The following NR1H4 variants were observed in gnomAD, a reference collection of about 807,000 sequenced individuals.
NR1H4 encodes the protein bile acid receptor.
In NR1H4, 23 loss-of-function variants were observed where a neutral mutation model predicts 58.5. That is an observed-to-expected ratio of 0.39 (90% CI 0.28 to 0.56). NR1H4 has a LOEUF of 0.56. Ranked by LOEUF, NR1H4 falls within the 20% of genes least tolerant of loss-of-function variation. The pLI is 0.58. For synonymous variants in NR1H4, 214 were observed against 198.0 expected (o/e 1.08, Z -0.68); for missense variants, 487 against 576.9 (o/e 0.84, Z 1.60).
chr12:100,522,874 A>G lies in NR1H4; in HGVS notation c.446-9584A>G, dbSNP rs567637357. Among the ~76,000 whole-genome samples the G allele has an allele frequency of 2.6e-5, 4 of 152,292 alleles. No individual in the cohort carries two copies. The East Asian group carries it at 7.7e-4, about 29-fold the overall frequency. On this transcript the variant is annotated intron_variant, in intron 4 of 10. Coordinates refer to ENST00000392986, the MANE Select transcript of NR1H4 (RefSeq NM_001206979.2). Reference sequence around the variant, plus strand: ...CTTCTGCTCTACCCAAGTTGCTGCAAAAGACATTATTTCATTCCTTTTTAT... The same window carrying G: ...CTTCTGCTCTACCCAAGTTGCTGCAGAAGACATTATTTCATTCCTTTTTAT...
chr12:100,514,976 C>G (rs928892422), intron 4 of NR1H4, among the ~76,000 whole-genome samples: 1 of 151,846 alleles, frequency 6.6e-6, no homozygotes, highest in Non-Finnish European at 1.5e-5. Context: ...CAAAATGTTA[C>G]CAAACTCAGG....
chr12:100,534,057 C>T (rs889152802), intron 5 of NR1H4, among the ~76,000 whole-genome samples: 4 of 151,938 alleles, frequency 2.6e-5, no homozygotes, highest in Non-Finnish European at 5.9e-5. Context: ...CCACTGCGCC[C>T]GGCTAATTTT....
At chr12:100,506,252 G>A (rs554037721) in intron 3 of NR1H4, among the ~76,000 whole-genome samples, 8 of 152,096 alleles carry the variant, frequency 5.3e-5, no homozygotes, top group East Asian at 3.9e-4. Flanking sequence ...CTCAGCAACC[G>A]TATTTTACAC....
chr12:100,495,564 C>G lies in NR1H4; in HGVS notation c.79+2162C>G, dbSNP rs1052733455. Among the ~76,000 whole-genome samples, 12 of 152,158 alleles carry G rather than the reference C, an allele frequency of 7.9e-5. 1 individual carries two copies. The highest frequency in any genetic ancestry group is 2.9e-4 in the African/African-American group (12 of 41,506). The stretch of plus-strand genomic sequence containing the variant: ...TGGCCAACATGGTTAAACCCTGTCT[C>G]TACTAAAAATACAAAAATTAGCTTG... On this transcript the variant is annotated intron_variant, in intron 3 of 10. Transcript: ENST00000392986.
intron 9 of NR1H4, among the ~76,000 whole-genome samples, chr12:100,542,962 C>T (rs1299060137): frequency 6.6e-6 from 1 of 152,054 alleles, no homozygotes; most frequent in Non-Finnish European, 1.5e-5. Context: ...CCCTAAGAAG[C>T]TTACAGTCTA....
chr12:100,503,328 C>T, intron 3 of NR1H4: 1 of 1,557,094 alleles, frequency 6.4e-7, no homozygotes, highest in East Asian at 2.3e-5. Context: ...AACCACACAA[C>T]CTCTGTCCTC....
At chr12:100,529,446 T>G (rs1954639612) in intron 4 of NR1H4, among the ~76,000 whole-genome samples, 1 of 152,156 alleles carries the variant, frequency 6.6e-6, no homozygotes, top group South Asian at 2.1e-4. Context: ...AAGCCTTTAA[T>G]GGCTTCCCTC....
intron 4 of NR1H4, among the ~76,000 whole-genome samples, chr12:100,530,034 A>G (rs1954654697): frequency 2.0e-5 from 3 of 152,188 alleles, no homozygotes; most frequent in Admixed American, 6.5e-5. Flanking sequence ...CTCATATTTT[A>G]TATTATGCTG....
chr12:100,530,204 A>G (rs1954658443), intron 4 of NR1H4, among the ~76,000 whole-genome samples: 2 of 152,214 alleles, frequency 1.3e-5, no homozygotes, highest in South Asian at 4.1e-4. Flanking sequence ...TGGCAATTGC[A>G]AGATAGTAAA....
chr12:100,476,659 C>A (rs1392161674), intron 1 of NR1H4, among the ~76,000 whole-genome samples: 2 of 152,140 alleles, frequency 1.3e-5, no homozygotes, highest in Non-Finnish European at 2.9e-5. Flanking sequence ...AGAGATTTCC[C>A]TTCCCTTTGC....
chr12:100,485,158 C>T (rs552872763), intron 1 of NR1H4, among the ~76,000 whole-genome samples: 2 of 152,326 alleles, frequency 1.3e-5, no homozygotes, highest in African/African-American at 4.8e-5. Flanking sequence ...GGGCTCATTA[C>T]TTTCATTCAT....
chr12:100,523,780 G>A (rs1954487238), intron 4 of NR1H4, among the ~76,000 whole-genome samples: 1 of 152,084 alleles, frequency 6.6e-6, no homozygotes, highest in Non-Finnish European at 1.5e-5. Context: ...TCTTTATTCA[G>A]CAAATATTAT....
At position 100,510,968 on chromosome 12, in the gene NR1H4, T is replaced by C; in HGVS notation, c.270T>C (p.Arg90=). The change falls in exon 4 of 11, where the codon CGT becomes CGC. Residue 90 remains arginine (R), a synonymous_variant. Coordinates refer to ENST00000392986, the MANE Select transcript of NR1H4 (RefSeq NM_001206979.2). ...CTCCTGGAATATATGAACTCAGGCG[T>C]ATGCCAGCTGAGACTCTCTACCAGG... ...WYSPGIYELR[R]MPAETLYQGE... is the part of the protein sequence containing the mutation. 6.2e-7 allele frequency: 1 copy of C among 1,614,164 alleles called. No individual in the cohort carries two copies.
chr12:100,534,818 C>A, intron 5 of NR1H4, 72 bp from the exon 6 acceptor site: 1 of 1,551,594 alleles, frequency 6.4e-7, no homozygotes, highest in Non-Finnish European at 8.9e-7. Flanking sequence ...AGGTACATAT[C>A]AGTGGTTTTA....
intron 9 of NR1H4, among the ~76,000 whole-genome samples, chr12:100,552,141 C>T (rs1037110272): frequency 1.3e-5 from 2 of 152,222 alleles, no homozygotes; most frequent in Non-Finnish European, 2.9e-5. Flanking sequence ...TAATATAGTG[C>T]CTGACACATA....
At chr12:100,489,439 C>T (rs1472770853) in intron 1 of NR1H4, among the ~76,000 whole-genome samples, 2 of 152,176 alleles carry the variant, frequency 1.3e-5, no homozygotes, top group African/African-American at 2.4e-5. Flanking sequence ...ATAGATATTC[C>T]ATAAACAAGT....
chr12:100,526,437 C>A (rs1376551177), intron 4 of NR1H4, among the ~76,000 whole-genome samples: 2 of 152,054 alleles, frequency 1.3e-5, no homozygotes, highest in Admixed American at 1.3e-4. Flanking sequence ...TTATGTGTAA[C>A]CTTTTAGAAA....
At chr12:100,483,985 GA>G (rs61582838) in intron 1 of NR1H4, among the ~76,000 whole-genome samples, 217 of 70,242 alleles carry the variant, frequency 3.1e-3, no homozygotes, top group Middle Eastern at 0.022. Flanking sequence ...CTCTGTCTCA[GA>G]AAAAAAAAAA....
At chr12:100,506,680 G>A (rs761639463) in intron 3 of NR1H4, among the ~76,000 whole-genome samples, 1 of 152,090 alleles carries the variant, frequency 6.6e-6, no homozygotes. Context: ...GCTAATTTTT[G>A]TATCTTTAGT....
Sources: gnomAD v4.1 joint callset for allele counts (sites outside exome capture counted in the v4.1 genomes callset) on GRCh38, gnomAD v4.1.1 for gene constraint, MANE v1.5 for transcripts, NCBI Gene and HGNC (gene_info 2026-07-23, HGNC 2026-07-21) for gene names.